GATB: variants seen among roughly 807,000 people sequenced by gnomAD.
The protein encoded by GATB is glutamyl-tRNA(Gln) amidotransferase subunit B, mitochondrial.
In GATB, 39 loss-of-function variants were observed where a neutral mutation model predicts 62.3. The ratio of observed to expected loss-of-function variants is 0.63; its 90% CI spans 0.48 to 0.82. GATB has a LOEUF of 0.82. Ranked by LOEUF, GATB falls within the 40% of genes least tolerant of loss-of-function variation. The pLI is 0.00. For missense variants in GATB, 670 were observed against 684.0 expected (o/e 0.98, Z 0.23); for synonymous variants, 276 against 258.9 (o/e 1.07, Z -0.63).
Position 151,701,325 on chromosome 4 carries a change from C to T in GATB, c.1197+4G>A, listed in dbSNP as rs1228968280. On this transcript the variant is annotated splice_donor_region_variant and intron_variant, in intron 9 of 12. Transcript: ENST00000263985. Reference sequence around the variant, plus strand: ...GATCCTCTTGGCATCCGATCGATACCTACCAGCAAAGTGAAGCTGTGTTCC... The same window carrying T: ...GATCCTCTTGGCATCCGATCGATACTTACCAGCAAAGTGAAGCTGTGTTCC... 2.0e-6 allele frequency: 3 copies of T among 1,534,044 alleles called. No individual in the cohort carries two copies. The highest frequency in any genetic ancestry group is 4.8e-5 in the East Asian group (2 of 41,700).
At chr4:151,679,784 G>T in intron 11 of GATB, 29 bp downstream of exon 11, 1 of 1,586,636 alleles carries the variant, frequency 6.3e-7, no homozygotes, top group Non-Finnish European at 8.7e-7. Context: ...CAGTAGCACA[G>T]TCAGAAGCTG....
intron 9 of GATB, among the ~76,000 whole-genome samples, chr4:151,697,407 A>G (rs1008284562): frequency 2.1e-4 from 32 of 151,962 alleles, no homozygotes; most frequent in African/African-American, 7.7e-4. Flanking sequence ...GTTCTCACTT[A>G]TAAGTGGGTA....
intron 2 of GATB, among the ~76,000 whole-genome samples, chr4:151,753,503 T>G (rs1048720637): frequency 2.0e-5 from 3 of 152,170 alleles, no homozygotes; most frequent in Non-Finnish European, 4.4e-5. Flanking sequence ...TCTCCCATTC[T>G]TTTGTAGGCT....
At chr4:151,715,149 C>T (rs924498911) in intron 5 of GATB, among the ~76,000 whole-genome samples, 10 of 152,318 alleles carry the variant, frequency 6.6e-5, no homozygotes, top group East Asian at 3.9e-4. Context: ...TCATCATCAA[C>T]GGGATTTCCT....
In GATB at chr4:151,750,789, G is replaced by A. The variant is rs749815496; in HGVS notation, c.327+7983C>T. Among the ~76,000 whole-genome samples, 95 of 150,098 alleles carry A rather than the reference G, an allele frequency of 6.3e-4. 1 individual carries two copies. The highest frequency in any genetic ancestry group is 1.1e-3 in the Non-Finnish European group (74 of 67,704). On this transcript the variant is annotated intron_variant, in intron 2 of 12. Transcript: ENST00000263985. ...ACTACAGGCATACACCACCATGCCC[G>A]ACTTATTTTTGTATTTTTTTTTTTT... is the stretch of plus-strand genomic sequence containing the variant.
intron 9 of GATB, among the ~76,000 whole-genome samples, chr4:151,697,979 A>G (rs191038950): frequency 0.27 from 35,513 of 132,574 alleles, 6,777 homozygotes; most frequent in Non-Finnish European, 0.34. Flanking sequence ...ATATATATAT[A>G]TATATATATA....
At chr4:151,678,764 T>C (rs761652585) in intron 11 of GATB, among the ~76,000 whole-genome samples, 19 of 152,238 alleles carry the variant, frequency 1.2e-4, no homozygotes, top group Non-Finnish European at 2.5e-4. Context: ...CAGATAAACG[T>C]TACATGCAAA....
intron 1 of GATB, among the ~76,000 whole-genome samples, chr4:151,759,497 C>G (rs900901466): frequency 1.3e-5 from 2 of 152,106 alleles, no homozygotes; most frequent in African/African-American, 4.8e-5. Context: ...CTAAATGATA[C>G]TCTTAAAAAA....
At chr4:151,732,001 G>A (rs1355560745) in intron 2 of GATB, among the ~76,000 whole-genome samples, 1 of 145,374 alleles carries the variant, frequency 6.9e-6, no homozygotes, top group Non-Finnish European at 1.5e-5. Context: ...CCGTCCGGGA[G>A]GGAGGTGGGG....
chr4:151,716,027 TG>T lies in GATB; in HGVS notation c.744del (p.Ser249AlafsTer10). ...CTTCTACCTGCCATGTTCGCCTGGC[TG>T]GTCCCCAGGGCTTGAAGGATCAGCT... ...ELQLILQALG[T>X]SQANMAEGQL... On this transcript the variant is annotated frameshift_variant, in exon 5 of 13. Transcript: ENST00000263985. LOFTEE classifies it high-confidence loss of function. 6.2e-7 allele frequency: 1 copy of T among 1,613,812 alleles called. No individual in the cohort carries two copies. The highest frequency in any genetic ancestry group is 8.5e-7 in the Non-Finnish European group (1 of 1,179,834).
At chr4:151,692,307 T>C (rs1018832627) in intron 9 of GATB, among the ~76,000 whole-genome samples, 3 of 152,194 alleles carry the variant, frequency 2.0e-5, no homozygotes, top group African/African-American at 7.2e-5. Context: ...GAAAAGGTCA[T>C]GGTCTTTGCC....
chr4:151,703,586 C>CT (rs1738649620), intron 8 of GATB: 1 of 515,294 alleles, frequency 1.9e-6, no homozygotes, highest in South Asian at 2.2e-5. Flanking sequence ...ACTATGACAA[C>CT]TTTGACACAG....
chr4:151,693,703 G>A (rs1738414999), intron 9 of GATB, among the ~76,000 whole-genome samples: 1 of 152,168 alleles, frequency 6.6e-6, no homozygotes, highest in Non-Finnish European at 1.5e-5. Flanking sequence ...TCCCCAGCAA[G>A]GCTTGGGAGC....
chr4:151,729,563 G>C (rs1250055715), intron 2 of GATB, among the ~76,000 whole-genome samples: 1 of 152,130 alleles, frequency 6.6e-6, no homozygotes, highest in African/African-American at 2.4e-5. Flanking sequence ...TAGCTGCTAA[G>C]ATATTTAGAG....
At chr4:151,696,089 C>T (rs1050930667) in intron 9 of GATB, among the ~76,000 whole-genome samples, 1 of 152,210 alleles carries the variant, frequency 6.6e-6, no homozygotes, top group Non-Finnish European at 1.5e-5. Context: ...AACTTCCCAA[C>T]GATTCAGACA....
chr4:151,758,116 T>C (rs1739873933), intron 2 of GATB, among the ~76,000 whole-genome samples: 1 of 152,190 alleles, frequency 6.6e-6, no homozygotes, highest in South Asian at 2.1e-4. Context: ...CACTGCATAT[T>C]ATGGCTGTTT....
chr4:151,721,619 G>C lies in GATB; in HGVS notation c.328-2081C>G, dbSNP rs971851166. 3.9e-5 allele frequency: 6 copies of C among 152,700 alleles called. 1 individual carries two copies. Among genetic ancestry groups the C allele is most frequent in the Admixed American group, 3.9e-4 (6 of 15,308 alleles). 9.5% of individuals were successfully genotyped at this position (152,700 alleles called of 1,614,324 possible). On this transcript the variant is annotated intron_variant, in intron 2 of 12. Coordinates refer to ENST00000263985, the MANE Select transcript of GATB (RefSeq NM_004564.3). ...CTGGGCTTTGCTCTTCCTGGGGTCAGAATGCAGTCAGCCAGGGCTGGCTCG... is the reference window on the plus strand; with the variant it reads ...CTGGGCTTTGCTCTTCCTGGGGTCACAATGCAGTCAGCCAGGGCTGGCTCG...
intron 2 of GATB, among the ~76,000 whole-genome samples, chr4:151,755,178 A>C (rs1381150751): frequency 1.3e-5 from 2 of 152,224 alleles, no homozygotes; most frequent in Non-Finnish European, 2.9e-5. Context: ...TTCTCACACA[A>C]ATCCAATGAG....
chr4:151,672,704 G>A (rs1737899605), intron 12 of GATB, 58 bp downstream of exon 12: 1 of 1,567,602 alleles, frequency 6.4e-7, no homozygotes, highest in Admixed American at 1.8e-5. Context: ...GCGATGGCGA[G>A]GCTCTTGGGC....
Sources: gnomAD v4.1 joint callset for allele counts (sites outside exome capture counted in the v4.1 genomes callset) on GRCh38, gnomAD v4.1.1 for gene constraint, MANE v1.5 for transcripts, NCBI Gene and HGNC (gene_info 2026-07-23, HGNC 2026-07-21) for gene names.